The following RABIF variants were observed in gnomAD, a reference collection of about 807,000 sequenced individuals.
RABIF encodes RAB interacting factor, also known as guanine nucleotide exchange factor MSS4.
RABIF carries 13 observed loss-of-function variants against 12.3 expected under a neutral mutation model. The observed-to-expected ratio is 1.06, with a 90% CI of 0.69 to 1.68. RABIF has a LOEUF of 1.68. RABIF is among the 40% of genes most tolerant of loss of function. RABIF has a pLI of 0.00. For missense variants in RABIF, 153 were observed against 158.0 expected, an observed-to-expected ratio of 0.97 and a Z score of 0.17; for synonymous variants, 70 against 63.3, an observed-to-expected ratio of 1.11 and a Z score of -0.50.
At chr1:202,888,219 A>G (rs1659591276) in intron 1 of RABIF, among the ~76,000 whole-genome samples, 2 of 152,320 alleles carry the variant, frequency 1.3e-5, no homozygotes, top group South Asian at 4.1e-4. Context: ...AACACAGTTT[A>G]CCGAAATAAA....
rs531232771 is a variant in RABIF at position 202,884,765 on chromosome 1, C to T, written c.127-3542G>A. On this transcript the variant is annotated intron_variant, in intron 1 of 1. Coordinates refer to ENST00000367262, the MANE Select transcript of RABIF (RefSeq NM_002871.5). ...TGAGAACTGCCTCGCTAAACCCAGT[C>T]GACCCCTAAATTCCTGAGCAAAATA... Among the ~76,000 whole-genome samples, 9 of 152,170 alleles carry T rather than the reference C, an allele frequency of 5.9e-5. No individual in the cohort carries two copies. The East Asian group carries it at 1.7e-3, about 29-fold the overall frequency.
chr1:202,882,522 C>A (rs910505765), intron 1 of RABIF, among the ~76,000 whole-genome samples: 1 of 152,154 alleles, frequency 6.6e-6, no homozygotes, highest in Non-Finnish European at 1.5e-5. Context: ...TGCCACTGTA[C>A]TCCAACCTGG....
chr1:202,888,951 G>A (rs774205786), intron 1 of RABIF, 22 bp downstream of exon 1: 16 of 1,523,178 alleles, frequency 1.1e-5, no homozygotes, highest in African/African-American at 2.8e-5. Flanking sequence ...GGGTGTAAAC[G>A]GCCTCCAACC....
chr1:202,888,308 G>C (rs891710093), intron 1 of RABIF, among the ~76,000 whole-genome samples: 4 of 152,064 alleles, frequency 2.6e-5, no homozygotes, highest in Non-Finnish European at 5.9e-5. Context: ...GAAAAAAAAA[G>C]TTTTTCTTCG....
rs1659450953 is a variant in RABIF at position 202,879,077 on chromosome 1, C to A, written c.*1901G>T. 2 of 152,148 alleles carry A rather than the reference C, an allele frequency of 1.3e-5. No homozygotes were observed. 9.4% of individuals were successfully genotyped at this position (152,148 alleles called of 1,614,324 possible). ...TTCTCAAAAAAGGAAATAGAAATGA[C>A]CGATACGTATATAAAAGTTTCACTA... is the stretch of plus-strand genomic sequence containing the variant. On this transcript the variant is annotated 3_prime_UTR_variant, in exon 2 of 2. Coordinates refer to ENST00000367262, the MANE Select transcript of RABIF (RefSeq NM_002871.5).
Position 202,878,883 on chromosome 1 carries a change from C to T in RABIF, c.*2095G>A, listed in dbSNP as rs759359388. 2.0e-5 allele frequency: 3 copies of T among 152,120 alleles called. No homozygotes were observed. Among genetic ancestry groups the T allele is most frequent in the Non-Finnish European group, 2.9e-5 (2 of 68,012 alleles). The allele number at this position is 152,120 out of a possible 1,614,324, so 9.4% of individuals were successfully genotyped here. On this transcript the variant is annotated 3_prime_UTR_variant, in exon 2 of 2. Transcript: ENST00000367262. ...TCAGTTGGTTGACCTTAAGCTAAAC[C>T]CCAAGGTTCAGGTTTCAGCTCTCCT...
intron 1 of RABIF, among the ~76,000 whole-genome samples, chr1:202,887,406 A>C (rs1659579707): frequency 6.6e-6 from 1 of 151,992 alleles, no homozygotes; most frequent in Non-Finnish European, 1.5e-5. Flanking sequence ...GTGTGGCCCA[A>C]GACAAGTCTT....
chr1:202,879,361 T>G lies in RABIF; in HGVS notation c.*1617A>C, dbSNP rs1171155493. ...TGCCCAGGTAATTTTGTTCATTTTTTAAATAGAGATGGGGTCTCACTATGT... is the reference window on the plus strand; with the variant it reads ...TGCCCAGGTAATTTTGTTCATTTTTGAAATAGAGATGGGGTCTCACTATGT... On this transcript the variant is annotated 3_prime_UTR_variant, in exon 2 of 2. Coordinates refer to ENST00000367262, the MANE Select transcript of RABIF (RefSeq NM_002871.5). 1 of 152,212 alleles carries G rather than the reference T, an allele frequency of 6.6e-6. No individual in the cohort carries two copies. Among genetic ancestry groups the G allele is most frequent in the African/African-American group, 2.4e-5 (1 of 41,448 alleles). The allele number at this position is 152,212 out of a possible 1,614,324, so 9.4% of individuals were successfully genotyped here. A position where few individuals can be genotyped will look rare whatever the true frequency, so the allele number is the denominator to read the frequency against.
chr1:202,889,128 C>T lies in RABIF; in HGVS notation c.-30G>A. ...GCTGCCGCCACAGGCTCCTCAGCCA[C>T]GGCTGCGCAGACGCTGTCTCTGCTG... On this transcript the variant is annotated 5_prime_UTR_variant, in exon 1 of 2. It adds an upstream start codon to the 5' untranslated region. Coordinates refer to ENST00000367262, the MANE Select transcript of RABIF (RefSeq NM_002871.5). 1 of 1,587,118 alleles carries T rather than the reference C, an allele frequency of 6.3e-7. No individual in the cohort carries two copies. Among genetic ancestry groups the T allele is most frequent in the East Asian group, 2.3e-5 (1 of 43,840 alleles).
At position 202,879,493 on chromosome 1, in the gene RABIF, T is replaced by C. The variant is rs1335364853; in HGVS notation, c.*1485A>G. On this transcript the variant is annotated 3_prime_UTR_variant, in exon 2 of 2. Transcript: ENST00000367262. ...GAGGCATCTACTTGGGTTTTGCTCC[T>C]GACTTGTGTGGATAACTCTGTTTTT... 6.6e-6 allele frequency: 1 copy of C among 152,260 alleles called. No individual in the cohort carries two copies. The highest frequency in any genetic ancestry group is 1.5e-5 in the Non-Finnish European group (1 of 68,048). The allele number at this position is 152,260 out of a possible 1,614,324, so 9.4% of individuals were successfully genotyped here.
rs1159510726 is a variant in RABIF at position 202,888,978 on chromosome 1, G to T, written c.121C>A (p.Arg41=). 3 of 1,565,972 alleles carry T rather than the reference G, an allele frequency of 1.9e-6. No individual in the cohort carries two copies. In the Admixed American group the frequency reaches 5.8e-5, roughly 30 times the overall value. Residue 41 remains arginine, a synonymous_variant, in exon 1 of 2, where the codon CGA becomes AGA. Coordinates refer to ENST00000367262, the MANE Select transcript of RABIF (RefSeq NM_002871.5). ...CCTCCAACCTGCCTCCCTACCTGTC[G>T]GCGAGAGAAGAGAGCGGTCCCTGGC... ...LQPGTALFSR[R]QLFLPSMRKK...
Position 202,880,726 on chromosome 1 carries a change from A to C in RABIF, c.*252T>G. The C allele has an allele frequency of 8.1e-7, 1 of 1,236,796 alleles. No individual in the cohort carries two copies. The highest frequency in any genetic ancestry group is 1.0e-6 in the Non-Finnish European group (1 of 982,208). The allele number at this position is 1,236,796 out of a possible 1,614,324, so 76.6% of individuals were successfully genotyped here. A position where few individuals can be genotyped will look rare whatever the true frequency, so the allele number is the denominator to read the frequency against. ...GGAAGAGATGAGATTTTTGGAGGTA[A>C]GCACAGTGTCCCAAAACTGGGGGAA... On this transcript the variant is annotated 3_prime_UTR_variant, in exon 2 of 2. Coordinates refer to ENST00000367262, the MANE Select transcript of RABIF (RefSeq NM_002871.5).
At chr1:202,884,796 T>C (rs1402964867) in intron 1 of RABIF, among the ~76,000 whole-genome samples, 1 of 151,998 alleles carries the variant, frequency 6.6e-6, no homozygotes, top group Non-Finnish European at 1.5e-5. Context: ...AAATACATCA[T>C]TGTTCGGGCC....
intron 1 of RABIF, among the ~76,000 whole-genome samples, chr1:202,886,352 G>A (rs1016608307): frequency 2.7e-5 from 4 of 150,072 alleles, no homozygotes; most frequent in African/African-American, 9.8e-5. Flanking sequence ...GGGAAGGCAG[G>A]GCAGGGCAGA....
chr1:202,886,267 A>C, intron 1 of RABIF, among the ~76,000 whole-genome samples: 4 of 97,042 alleles, frequency 4.1e-5, no homozygotes, highest in Admixed American at 1.3e-4. Context: ...TGGGAAGGGA[A>C]GGGGGGAAAG....
chr1:202,880,825 T>G lies in RABIF; in HGVS notation c.*153A>C. On this transcript the variant is annotated 3_prime_UTR_variant, in exon 2 of 2. Coordinates refer to ENST00000367262, the MANE Select transcript of RABIF (RefSeq NM_002871.5). ...TACTTGAGGCTTTAGGAAGCAGGAT[T>G]AACCCTCTGCATGTTCAAATGGACA... The G allele has an allele frequency of 6.9e-7, 1 of 1,453,600 alleles. No individual in the cohort carries two copies. The highest frequency in any genetic ancestry group is 9.0e-7 in the Non-Finnish European group (1 of 1,105,894). 90.0% of individuals were successfully genotyped at this position (1,453,600 alleles called of 1,614,324 possible). A position where few individuals can be genotyped will look rare whatever the true frequency, so the allele number is the denominator to read the frequency against.
In RABIF at chr1:202,879,736, T is replaced by C. The variant is rs1571503001; in HGVS notation, c.*1242A>G. On this transcript the variant is annotated 3_prime_UTR_variant, in exon 2 of 2. Coordinates refer to ENST00000367262, the MANE Select transcript of RABIF (RefSeq NM_002871.5). Reference sequence around the variant, plus strand: ...GAATGAGGAAGCAACTAGAAAACAATGGAAGGGACTTCAGATGGTAAGGTT... The same window carrying C: ...GAATGAGGAAGCAACTAGAAAACAACGGAAGGGACTTCAGATGGTAAGGTT... The C allele has an allele frequency of 6.6e-6, 1 of 152,184 alleles. No homozygotes were observed. Among genetic ancestry groups the C allele is most frequent in the African/African-American group, 2.4e-5 (1 of 41,444 alleles). 9.4% of individuals were successfully genotyped at this position (152,184 alleles called of 1,614,324 possible). A position where few individuals can be genotyped will look rare whatever the true frequency, so the allele number is the denominator to read the frequency against.
At chr1:202,886,422 C>A (rs1363554180) in intron 1 of RABIF, among the ~76,000 whole-genome samples, 1 of 152,000 alleles carries the variant, frequency 6.6e-6, no homozygotes, top group Non-Finnish European at 1.5e-5. Flanking sequence ...CCCATCTCTA[C>A]TAAAAATACA....
chr1:202,883,425 G>A (rs1441976187), intron 1 of RABIF, among the ~76,000 whole-genome samples: 2 of 152,202 alleles, frequency 1.3e-5, no homozygotes, highest in Non-Finnish European at 2.9e-5. Flanking sequence ...GGCAAAGAGA[G>A]TTAGGAATCA....
Sources: allele counts gnomAD v4.1 joint callset (sites outside exome capture counted in the v4.1 genomes callset), GRCh38; gene constraint gnomAD v4.1.1; transcripts MANE v1.5; gene names NCBI Gene and HGNC (gene_info 2026-07-23, HGNC 2026-07-21).